SKI: variants seen among roughly 807,000 people sequenced by gnomAD.
SKI encodes the protein SKI proto-oncogene.
SKI carries 23 observed loss-of-function variants against 59.3 expected under a neutral mutation model. The ratio of observed to expected loss-of-function variants is 0.39; its 90% CI spans 0.28 to 0.55. The LOEUF (loss-of-function observed/expected upper bound fraction) is 0.55, where lower values mean the gene tolerates loss of function less well. SKI is among the 20% of genes least tolerant of loss of function. The pLI, the probability that SKI is intolerant of heterozygous loss-of-function variation, is 0.67. For synonymous variants in SKI, 673 were observed against 488.6 expected (o/e 1.38, Z -4.98); for missense variants, 1,017 against 1,038.9 (o/e 0.98, Z 0.29).
At chr1:2,290,062 C>G (rs949622957) in intron 1 of SKI, among the ~76,000 whole-genome samples, 1 of 152,262 alleles carries the variant, frequency 6.6e-6, no homozygotes, top group Middle Eastern at 3.4e-3. Context: ...TCTTGTGTGG[C>G]GCCGGGGGTC....
chr1:2,302,584 C>G (rs1422389392), intron 1 of SKI, among the ~76,000 whole-genome samples: 1 of 150,886 alleles, frequency 6.6e-6, no homozygotes, highest in Non-Finnish European at 1.5e-5. Context: ...CACTCGGGTT[C>G]TAGGAAAGGG....
At chr1:2,243,327 G>A (rs1221919582) in intron 1 of SKI, among the ~76,000 whole-genome samples, 1 of 152,230 alleles carries the variant, frequency 6.6e-6, no homozygotes, top group Non-Finnish European at 1.5e-5. Flanking sequence ...CTTCATCCCC[G>A]CCCTGCCCTC....
At chr1:2,291,799 CTTTT>C (rs200768046) in intron 1 of SKI, among the ~76,000 whole-genome samples, 1 of 152,210 alleles carries the variant, frequency 6.6e-6, no homozygotes, top group Non-Finnish European at 1.5e-5. Context: ...AAAGATTTGG[CTTTT>C]TGTCATCAAC....
intron 1 of SKI, among the ~76,000 whole-genome samples, chr1:2,297,611 T>C (rs934164592): frequency 2.0e-5 from 3 of 152,162 alleles, no homozygotes; most frequent in African/African-American, 7.2e-5. Flanking sequence ...CAGCGTTGCC[T>C]ATTGGTGGCA....
At chr1:2,285,299 G>GTGA (rs1215908864) in intron 1 of SKI, among the ~76,000 whole-genome samples, 1 of 152,074 alleles carries the variant, frequency 6.6e-6, no homozygotes, top group African/African-American at 2.4e-5. Context: ...GATCACCTGA[G>GTGA]GTCAGGAGTT....
At position 2,267,619 on chromosome 1, in the gene SKI, G is replaced by A. The variant is rs569212422; in HGVS notation, c.970-35359G>A. On this transcript the variant is annotated intron_variant, in intron 1 of 6. Coordinates refer to ENST00000378536, the MANE Select transcript of SKI (RefSeq NM_003036.4). This position sits in a 1 kb window ranked among gnomAD's most constrained non-coding sequence, Gnocchi z 4.1. ...GTCAGCACTGCACTCTGCTCTCATC[G>A]GAAGCTGGGCAGTGGCCAGAGGCCT... is the stretch of plus-strand genomic sequence containing the variant. 6.6e-6 allele frequency among the ~76,000 whole-genome samples: 1 copy of A among 152,316 alleles called. No homozygotes were observed. The highest frequency in any genetic ancestry group is 2.4e-5 in the African/African-American group (1 of 41,576).
intron 1 of SKI, among the ~76,000 whole-genome samples, chr1:2,245,788 CTTTTTTTTTT>C (rs766445644): frequency 2.4e-4 from 17 of 70,380 alleles, no homozygotes; most frequent in African/African-American, 8.2e-4. Flanking sequence ...ATTTTTCCTT[CTTTTTTTTTT>C]TTTTTTTTTT....
At chr1:2,241,408 T>A (rs1341318849) in intron 1 of SKI, among the ~76,000 whole-genome samples, 1 of 152,158 alleles carries the variant, frequency 6.6e-6, no homozygotes, top group African/African-American at 2.4e-5. Flanking sequence ...TTTTTTTTTC[T>A]TTGAGACTGA....
In SKI at chr1:2,229,704, A is replaced by G. The variant is rs767730615; in HGVS notation, c.938A>G (p.Tyr313Cys). 5 of 1,590,632 alleles carry G rather than the reference A, an allele frequency of 3.1e-6. No homozygotes were observed. Among genetic ancestry groups the G allele is most frequent in the Non-Finnish European group, 4.3e-6 (5 of 1,169,438 alleles). ...CLDDVKEKFD[Y>C]GNKYKRRVPR... is the part of the protein sequence containing the mutation. The stretch of plus-strand genomic sequence containing the variant: ...GACGACGTGAAGGAGAAATTCGACT[A>G]TGGCAACAAGTACAAGCGGCGGGTG... Residue 313 changes from tyrosine (Y) to cysteine (C), a missense_variant, in exon 1 of 7, where the codon TAT becomes TGT. By Grantham distance (194) the Tyr-to-Cys change is radical. Coordinates refer to ENST00000378536, the MANE Select transcript of SKI (RefSeq NM_003036.4). This position sits in a 1 kb window ranked among gnomAD's most constrained non-coding sequence, Gnocchi z 6.3.
intron 1 of SKI, among the ~76,000 whole-genome samples, chr1:2,237,507 G>A (rs994427433): frequency 1.3e-5 from 2 of 152,208 alleles, no homozygotes; most frequent in African/African-American, 2.4e-5. Context: ...ATAAGAAGCG[G>A]CTGTCAGCCT....
intron 1 of SKI, among the ~76,000 whole-genome samples, chr1:2,249,360 G>C (rs1639070907): frequency 1.3e-5 from 2 of 152,240 alleles, no homozygotes; most frequent in South Asian, 4.1e-4. Flanking sequence ...GCAGACAGCC[G>C]TGCCACCAGG....
intron 1 of SKI, among the ~76,000 whole-genome samples, chr1:2,300,068 T>TCAGCC (rs1640387218): frequency 6.6e-6 from 1 of 152,188 alleles, no homozygotes; most frequent in East Asian, 1.9e-4. Flanking sequence ...CCGCTATTCC[T>TCAGCC]CAGCCCAGCC....
At chr1:2,234,800 C>T (rs1301223926) in intron 1 of SKI, among the ~76,000 whole-genome samples, 2 of 152,212 alleles carry the variant, frequency 1.3e-5, no homozygotes, top group Non-Finnish European at 2.9e-5. Context: ...TGTTTTGAGT[C>T]AAAATACAGA....
intron 1 of SKI, among the ~76,000 whole-genome samples, chr1:2,254,050 G>C (rs1639222757): frequency 6.6e-6 from 1 of 152,256 alleles, no homozygotes. Context: ...CTTGTCCGGA[G>C]CTGCCTCATG....
chr1:2,261,803 C>G (rs1332631200), intron 1 of SKI, among the ~76,000 whole-genome samples: 2 of 151,802 alleles, frequency 1.3e-5, no homozygotes, highest in African/African-American at 4.8e-5. Context: ...TGGACGCCCT[C>G]GCTCCTGATC....
At chr1:2,265,605 A>T (rs1055561596) in intron 1 of SKI, among the ~76,000 whole-genome samples, 5 of 152,158 alleles carry the variant, frequency 3.3e-5, no homozygotes, top group African/African-American at 1.2e-4. Flanking sequence ...ATTGTGGTCC[A>T]CATTTTCTTG....
At chr1:2,237,935 G>C (rs1638787093) in intron 1 of SKI, among the ~76,000 whole-genome samples, 1 of 152,224 alleles carries the variant, frequency 6.6e-6, no homozygotes, top group East Asian at 1.9e-4. Flanking sequence ...GTTACTTAAG[G>C]AGTCCAACGG....
rs929764660 is a variant in SKI, at chr1:2,233,499, G to C, written c.969+3764G>C. 1.5e-4 allele frequency among the ~76,000 whole-genome samples: 23 copies of C among 152,248 alleles called. No individual in the cohort carries two copies. In the East Asian group the frequency reaches 2.7e-3, roughly 18 times the overall value. On this transcript the variant is annotated intron_variant, in intron 1 of 6. Coordinates refer to ENST00000378536, the MANE Select transcript of SKI (RefSeq NM_003036.4). ...TTGCAGGTCCCCTTGCCCTTGCGCT[G>C]TGTGGGCTGGCGTGGGTCTCAGTGG...
rs890266741 is a variant in SKI, at chr1:2,228,415, AGCGTTG to A, written c.-336_-331del. Among the ~76,000 whole-genome samples the A allele has an allele frequency of 1.1e-4, 15 of 135,832 alleles. No individual in the cohort carries two copies. The highest frequency in any genetic ancestry group is 1.6e-4 in the Non-Finnish European group (10 of 62,600). 89.1% of individuals were successfully genotyped at this position (135,832 alleles called of 152,430 possible). A position where few individuals can be genotyped will look rare whatever the true frequency, so the allele number is the denominator to read the frequency against. ...GCCCCCCGCGAGCCCCGGGCCCGCG[AGCGTTG>A]GCGTTGGCGTTGGCGGCGCGCGCCG... On this transcript the variant is annotated 5_prime_UTR_variant, in exon 1 of 7. Coordinates refer to ENST00000378536, the MANE Select transcript of SKI (RefSeq NM_003036.4).
Sources: allele counts gnomAD v4.1 joint callset (sites outside exome capture counted in the v4.1 genomes callset), GRCh38; gene constraint gnomAD v4.1.1; non-coding constraint Gnocchi (gnomAD v3.1); transcripts MANE v1.5; gene names NCBI Gene and HGNC (gene_info 2026-07-23, HGNC 2026-07-21).